The following LCOR variants were observed in gnomAD, a reference collection of about 807,000 sequenced individuals.
LCOR encodes the protein ligand dependent nuclear receptor corepressor, also known as ligand-dependent corepressor.
In LCOR, 14 loss-of-function variants were observed where a neutral mutation model predicts 64.4. That is an observed-to-expected ratio of 0.22 (90% CI 0.14 to 0.34). LCOR has a LOEUF of 0.34. Ranked by LOEUF, LCOR falls within the 10% of genes least tolerant of loss-of-function variation. LCOR has a pLI of 1.00. For missense variants in LCOR, 1,686 were observed against 1,765.3 expected, an observed-to-expected ratio of 0.96 and a Z score of 0.80; for synonymous variants, 643 against 642.5, an observed-to-expected ratio of 1.00 and a Z score of -0.01.
intron 7 of LCOR, chr10:96,957,637 T>C: frequency 2.4e-5 from 24 of 985,288 alleles, no homozygotes; most frequent in Non-Finnish European, 2.9e-5. Flanking sequence ...ATACTAACAG[T>C]TTGAGGGGAG....
chr10:96,971,185 C>T (rs370452848), intron 7 of LCOR, among the ~76,000 whole-genome samples: 1 of 152,152 alleles, frequency 6.6e-6, no homozygotes, highest in African/African-American at 2.4e-5. Flanking sequence ...TTAGTCAAAA[C>T]CTACATACTT....
intron 2 of LCOR, among the ~76,000 whole-genome samples, chr10:96,845,595 G>C (rs559040498): frequency 1.3e-5 from 2 of 149,526 alleles, no homozygotes; most frequent in South Asian, 4.3e-4. Context: ...AGCCTCCCCA[G>C]TAGCTGGGAC....
chr10:96,874,091 G>T (rs1846123004), intron 2 of LCOR, among the ~76,000 whole-genome samples: 1 of 152,090 alleles, frequency 6.6e-6, no homozygotes, highest in South Asian at 2.1e-4. Flanking sequence ...GAAAACATTA[G>T]ATATAGTCCA....
At position 96,920,730 on chromosome 10, in the gene LCOR, A is replaced by ATATATATGTGTG. The variant is rs1554837285; in HGVS notation, c.-184+12994_-184+12995insGTATATATGTGT. Among the ~76,000 whole-genome samples, 3 of 111,452 alleles carry ATATATATGTGTG rather than the reference A, an allele frequency of 2.7e-5. 1 individual carries two copies. The highest frequency in any genetic ancestry group is 1.3e-4 in the African/African-American group (3 of 22,904). The allele number at this position is 111,452 out of a possible 152,430, so 73.1% of individuals were successfully genotyped here. ...TGTGTGTATATATGTATATATGTTCATATATATGTGTATATATGTATACAC... is the reference window on the plus strand; with the variant it reads ...TGTGTGTATATATGTATATATGTTCATATATATGTGTGTATATATGTGTATATATGTATACAC... On this transcript the variant is annotated intron_variant, in intron 4 of 7. Transcript: ENST00000421806.
chr10:96,893,500 C>T (rs1189777238), intron 2 of LCOR, among the ~76,000 whole-genome samples: 1 of 152,150 alleles, frequency 6.6e-6, no homozygotes, highest in Non-Finnish European at 1.5e-5. Flanking sequence ...CACAGTGGCT[C>T]ACACCTGTAA....
In LCOR at chr10:96,920,564, A is replaced by C. The variant is rs548444227; in HGVS notation, c.-184+12817A>C. Among the ~76,000 whole-genome samples the C allele has an allele frequency of 4.1e-5, 6 of 146,934 alleles. No individual in the cohort carries two copies. The South Asian group carries it at 1.3e-3, about 31-fold the overall frequency. On this transcript the variant is annotated intron_variant, in intron 4 of 7. Coordinates refer to ENST00000421806, the MANE Select transcript of LCOR (RefSeq NM_001346516.2). ...TGTATATTCATATATATGTGTATAT[A>C]TGTATGTATATTCATATATATGTGT...
chr10:96,983,156 A>C lies in LCOR; in HGVS notation c.2696A>C (p.Gln899Pro), dbSNP rs1412439305. 7.4e-6 allele frequency: 12 copies of C among 1,614,010 alleles called. No individual in the cohort carries two copies. The highest frequency in any genetic ancestry group is 1.0e-5 in the Non-Finnish European group (12 of 1,180,030). ...NERPSEKDAE[Q>P]EGEGGGIITR... ...CGCCCCTCTGAGAAAGATGCTGAGC[A>C]GGAGGGCGAAGGCGGGGGGATCATC... Residue 899 changes from glutamine (Q) to proline (P), a missense_variant, in exon 8 of 8, where the codon CAG becomes CCG. By Grantham distance (76) the Gln-to-Pro change is moderately conservative. Around this residue, in one of 3 missense-constraint regions of LCOR, gnomAD observed 1,293 missense variants for 1,410.4 expected, o/e 0.92. Transcript: ENST00000421806. This position sits in a 1 kb window ranked among gnomAD's most constrained non-coding sequence, Gnocchi z 4.5.
intron 4 of LCOR, among the ~76,000 whole-genome samples, chr10:96,941,167 GGGCGGCTGGCCA>G (rs1847459578): frequency 7.0e-6 from 1 of 142,588 alleles, no homozygotes; most frequent in Non-Finnish European, 1.6e-5. Flanking sequence ...CTCCCGGACA[GGGCGGCTGGCCA>G]GGCGGGGGGC....
At chr10:96,890,867 G>A (rs1846427417) in intron 2 of LCOR, among the ~76,000 whole-genome samples, 1 of 151,984 alleles carries the variant, frequency 6.6e-6, no homozygotes, top group Non-Finnish European at 1.5e-5. Context: ...ATTGATTTTT[G>A]TATGTTGAAC....
chr10:96,972,673 C>A (rs1449130728), intron 7 of LCOR, among the ~76,000 whole-genome samples: 1 of 152,100 alleles, frequency 6.6e-6, no homozygotes, highest in Admixed American at 6.5e-5. Flanking sequence ...AATATATAAG[C>A]CTTAAAGTGC....
chr10:96,909,840 C>T (rs1846797664), intron 4 of LCOR, among the ~76,000 whole-genome samples: 1 of 152,070 alleles, frequency 6.6e-6, no homozygotes, highest in Non-Finnish European at 1.5e-5. Flanking sequence ...TTGAGTTAAA[C>T]TTCCAGTGAA....
chr10:96,836,427 G>GTATTGATGCTGTTTT (rs1215270673), intron 2 of LCOR, among the ~76,000 whole-genome samples: 1 of 152,110 alleles, frequency 6.6e-6, no homozygotes, highest in Non-Finnish European at 1.5e-5. Flanking sequence ...TTAGCTGTTT[G>GTATTGATGCTGTTTT]TATTGATGCT....
At chr10:96,977,574 A>G (rs1026353791) in intron 7 of LCOR, among the ~76,000 whole-genome samples, 1 of 152,198 alleles carries the variant, frequency 6.6e-6, no homozygotes, top group African/African-American at 2.4e-5. Flanking sequence ...TTGCTTTAAA[A>G]TGTTTGGTAC....
intron 4 of LCOR, among the ~76,000 whole-genome samples, chr10:96,934,737 G>A (rs1420765557): frequency 6.6e-6 from 1 of 152,004 alleles, no homozygotes; most frequent in African/African-American, 2.4e-5. Context: ...GAGTAGCTGG[G>A]ATTACAGGCA....
At chr10:96,855,913 G>A (rs1845795809) in intron 2 of LCOR, among the ~76,000 whole-genome samples, 1 of 141,164 alleles carries the variant, frequency 7.1e-6, no homozygotes, top group South Asian at 2.3e-4. Context: ...GGCTAATTTT[G>A]TATTTGTTTT....
At chr10:96,832,558 C>T (rs2134351428) in intron 1 of LCOR, among the ~76,000 whole-genome samples, 159 bp downstream of exon 1, 1 of 139,596 alleles carries the variant, frequency 7.2e-6, no homozygotes, top group South Asian at 2.4e-4. Flanking sequence ...AGTGTGAGCG[C>T]GCGCGACCTC....
At chr10:96,885,706 T>C (rs974972112) in intron 2 of LCOR, among the ~76,000 whole-genome samples, 1 of 151,776 alleles carries the variant, frequency 6.6e-6, no homozygotes, top group Non-Finnish European at 1.5e-5. Flanking sequence ...AAATGTTTTT[T>C]TAAAAAGGAT....
At chr10:96,887,677 GCTA>G (rs1846366909) in intron 2 of LCOR, among the ~76,000 whole-genome samples, 1 of 148,722 alleles carries the variant, frequency 6.7e-6, no homozygotes, top group Admixed American at 6.7e-5. Flanking sequence ...AGCTAAACTA[GCTA>G]CTTTTTTTTT....
At chr10:96,942,811 C>T (rs1390789510) in intron 4 of LCOR, among the ~76,000 whole-genome samples, 1 of 151,928 alleles carries the variant, frequency 6.6e-6, no homozygotes, top group East Asian at 1.9e-4. Context: ...AAGATATGTC[C>T]CATTTTCTTA....
Sources: gnomAD v4.1 joint callset for allele counts (sites outside exome capture counted in the v4.1 genomes callset) on GRCh38, gnomAD v4.1.1 for gene constraint, gnomAD v4.1.1 regional missense constraint, Gnocchi (gnomAD v3.1) non-coding constraint, MANE v1.5 for transcripts, NCBI Gene and HGNC (gene_info 2026-07-23, HGNC 2026-07-21) for gene names.